RRP7A: variants seen among roughly 807,000 people sequenced by gnomAD.
The protein encoded by RRP7A is ribosomal RNA-processing protein 7 homolog A.
In RRP7A, 27 loss-of-function variants were observed where a neutral mutation model predicts 38.4. That is an observed-to-expected ratio of 0.70 (90% confidence interval 0.52 to 0.97). RRP7A has a LOEUF of 0.97. Among genes scored for constraint, RRP7A ranks in the 50% least tolerant of loss-of-function variants. The pLI is 0.00. For synonymous variants in RRP7A, 124 were observed against 150.3 expected, an observed-to-expected ratio of 0.83 and a Z score of 1.28; for missense variants, 327 against 375.4, an observed-to-expected ratio of 0.87 and a Z score of 1.07.
chr22:42,512,367 G>C lies in RRP7A; in HGVS notation c.*543C>G, dbSNP rs1437903091. ...CTAGTCTTGAGGCCCAGCCTAGGAT[G>C]GTAGTCAGGGGAAGGAGCGAGATTC... On this transcript the variant is annotated 3_prime_UTR_variant, in exon 7 of 7. Transcript: ENST00000323013. 2.6e-6 allele frequency: 2 copies of C among 756,264 alleles called. No homozygotes were observed. The highest frequency in any genetic ancestry group is 4.4e-6 in the Non-Finnish European group (2 of 451,264). The allele number at this position is 756,264 out of a possible 1,614,324, so 46.8% of individuals were successfully genotyped here. A position where few individuals can be genotyped will look rare whatever the true frequency, so the allele number is the denominator to read the frequency against.
chr22:42,519,370 G>A (rs1601809319), intron 1 of RRP7A, among the ~76,000 whole-genome samples: 2 of 152,118 alleles, frequency 1.3e-5, no homozygotes, highest in East Asian at 1.9e-4. Context: ...GCTGATGGGG[G>A]ATGGACTAGG....
chr22:42,512,975 T>C lies in RRP7A; in HGVS notation c.778A>G (p.Lys260Glu). The C allele has an allele frequency of 1.2e-6, 2 of 1,613,062 alleles. No individual in the cohort carries two copies. Among genetic ancestry groups the C allele is most frequent in the Non-Finnish European group, 1.7e-6 (2 of 1,179,568 alleles). Residue 260 changes from lysine to glutamate, a missense_variant, in exon 7 of 7, where the codon AAG (lysine) becomes GAG (glutamate). Coordinates refer to ENST00000323013, the MANE Select transcript of RRP7A (RefSeq NM_015703.5). Reference protein sequence around the residue: ...KMEHLAQLRKKFEEDKQRIEL... With the variant: ...KMEHLAQLRKEFEEDKQRIEL... ...ATCCTCTGCTTGTCCTCCTCGAACT[T>C]CTTGCGCAGCTGCGCTAGATCTGGG...
chr22:42,516,570 C>T (rs1920930363), intron 2 of RRP7A: 2 of 351,628 alleles, frequency 5.7e-6, no homozygotes, highest in South Asian at 2.1e-5. Context: ...GCCTCGGCCT[C>T]CCAAAATGCT....
rs1932430488 is a variant in RRP7A, at chr22:42,510,690, TCATGATAGA to T, written c.*2211_*2219del. On this transcript the variant is annotated 3_prime_UTR_variant, in exon 7 of 7. Transcript: ENST00000323013. ...TACTCTGACAAGGAGTCCCTGTCGT[TCATGATAGA>T]CACAATGAAATCCACCCTCAAAGAG... The T allele has an allele frequency of 6.7e-7, 1 of 1,481,512 alleles. No homozygotes were observed. The allele number at this position is 1,481,512 out of a possible 1,614,324, so 91.8% of individuals were successfully genotyped here.
chr22:42,512,594 C>T lies in RRP7A; in HGVS notation c.*316G>A, dbSNP rs1202025843. The stretch of plus-strand genomic sequence containing the variant: ...GAGGCTTTTTCGTTGCCAGCAAGGG[C>T]TTTTGCATTGAGGGAAAAGGAAGCA... On this transcript the variant is annotated 3_prime_UTR_variant, in exon 7 of 7. Transcript: ENST00000323013. 3 of 550,420 alleles carry T rather than the reference C, an allele frequency of 5.5e-6. No homozygotes were observed. The highest frequency in any genetic ancestry group is 3.2e-5 in the Admixed American group (1 of 31,058). 34.1% of individuals were successfully genotyped at this position (550,420 alleles called of 1,614,324 possible).
Position 42,512,118 on chromosome 22 carries a change from C to G in RRP7A, c.*792G>C. 6.6e-7 allele frequency: 1 copy of G among 1,516,870 alleles called. No homozygotes were observed. The highest frequency in any genetic ancestry group is 9.2e-7 in the Non-Finnish European group (1 of 1,090,530). 94.0% of individuals were successfully genotyped at this position (1,516,870 alleles called of 1,614,324 possible). A position where few individuals can be genotyped will look rare whatever the true frequency, so the allele number is the denominator to read the frequency against. On this transcript the variant is annotated 3_prime_UTR_variant, in exon 7 of 7. Transcript: ENST00000323013. The stretch of plus-strand genomic sequence containing the variant: ...ACTACCCACCCCCTCCCCTCTCCAG[C>G]GGTTCCAGTTTGTGGAAGTCCCAGG...
chr22:42,516,473 T>C, intron 2 of RRP7A: 1 of 383,390 alleles, frequency 2.6e-6, no homozygotes. Flanking sequence ...CCACCACACG[T>C]GGCTAATTTT....
Position 42,508,540 on chromosome 22 carries a change from G to T in RRP7A, c.*4370C>A, listed in dbSNP as rs1011264982. On this transcript the variant is annotated 3_prime_UTR_variant, in exon 7 of 7. Transcript: ENST00000323013. ...AGACAGGGCAGGCAGGGCCGCGGAGGAGGCTGGCTGGGGCCATCACGGAGT... is the reference window on the plus strand; with the variant it reads ...AGACAGGGCAGGCAGGGCCGCGGAGTAGGCTGGCTGGGGCCATCACGGAGT... Among the ~76,000 whole-genome samples the T allele has an allele frequency of 2.0e-5, 3 of 152,196 alleles. No individual in the cohort carries two copies. Among genetic ancestry groups the T allele is most frequent in the African/African-American group, 7.2e-5 (3 of 41,432 alleles).
intron 5 of RRP7A, 66 bp downstream of exon 5, chr22:42,514,616 T>A: frequency 7.2e-7 from 1 of 1,379,452 alleles, no homozygotes; most frequent in South Asian, 1.2e-5. Context: ...GCCCTCCCTC[T>A]GGGGCGCCAC....
chr22:42,509,764 G>A lies in RRP7A; in HGVS notation c.*3146C>T, dbSNP rs368661977. Among the ~76,000 whole-genome samples, 11,039 of 133,320 alleles carry A rather than the reference G, an allele frequency of 0.083. 640 individuals are homozygous for A. The highest frequency in any genetic ancestry group is 0.13 in the Admixed American group (1,558 of 11,748). The allele number at this position is 133,320 out of a possible 152,430, so 87.5% of individuals were successfully genotyped here. A position where few individuals can be genotyped will look rare whatever the true frequency, so the allele number is the denominator to read the frequency against. On this transcript the variant is annotated 3_prime_UTR_variant, in exon 7 of 7. Coordinates refer to ENST00000323013, the MANE Select transcript of RRP7A (RefSeq NM_015703.5). The stretch of plus-strand genomic sequence containing the variant: ...CTACGTGTTGTATGGCTGCATTCAC[G>A]TTCAAGTCCAAATAGGACACACGGC...
Position 42,516,293 on chromosome 22 carries a change from C to T in RRP7A, c.217-157G>A, listed in dbSNP as rs138280561. The T allele has an allele frequency of 3.6e-3, 3,355 of 938,774 alleles. 57 individuals are homozygous for T. In the African/African-American group the frequency reaches 0.047, roughly 13 times the overall value. The allele number at this position is 938,774 out of a possible 1,614,324, so 58.2% of individuals were successfully genotyped here. ...GGGAGACTGTGGGCACCATGGCCTC[C>T]GACCTGTTCCCCAGGGACAATATGG... On this transcript the variant is annotated intron_variant, in intron 2 of 6. Transcript: ENST00000323013.
At position 42,514,214 on chromosome 22, in the gene RRP7A, G is replaced by A. The variant is rs1312213244; in HGVS notation, c.649C>T (p.Arg217Trp). 18 of 1,610,234 alleles carry A rather than the reference G, an allele frequency of 1.1e-5. No individual in the cohort carries two copies. Among genetic ancestry groups the A allele is most frequent in the African/African-American group, 2.7e-5 (2 of 74,962 alleles). Residue 217 changes from arginine to tryptophan, a missense_variant, in exon 6 of 7, where the codon CGG becomes TGG. Arg to Trp is a moderately radical substitution (Grantham distance 101). This residue lies in a region of RRP7A where 46 missense variants were observed against 93.0 expected (regional missense o/e 0.49). Coordinates refer to ENST00000323013, the MANE Select transcript of RRP7A (RefSeq NM_015703.5). ...TRRGRRPVLP[R>W]TEAASLRVLE... Reference sequence around the variant, plus strand: ...ACCCGCAAGCTGGCTGCCTCAGTCCGGGGGAGCACAGGCCGCCGGCCCCGG... The same window carrying A: ...ACCCGCAAGCTGGCTGCCTCAGTCCAGGGGAGCACAGGCCGCCGGCCCCGG...
Position 42,512,078 on chromosome 22 carries a change from C to T in RRP7A, c.*832G>A, listed in dbSNP as rs1932482478. The T allele has an allele frequency of 6.6e-7, 1 of 1,507,540 alleles. No individual in the cohort carries two copies. The highest frequency in any genetic ancestry group is 1.7e-5 in the Admixed American group (1 of 58,702). 93.4% of individuals were successfully genotyped at this position (1,507,540 alleles called of 1,614,324 possible). On this transcript the variant is annotated 3_prime_UTR_variant, in exon 7 of 7. Coordinates refer to ENST00000323013, the MANE Select transcript of RRP7A (RefSeq NM_015703.5). The stretch of plus-strand genomic sequence containing the variant: ...GGGGCCCATGGAGCTCCCTAGGCTC[C>T]TCTGGCCACATCTCACTACCCACCC...
rs117692284 is a variant in RRP7A, at chr22:42,509,403, A to G, written c.*3507T>C. On this transcript the variant is annotated 3_prime_UTR_variant, in exon 7 of 7. Transcript: ENST00000323013. ...TCCATAACCAGTGAGCCCAGTCTCG[A>G]CTCACTGCAACCTCTGCCTCCTGGA... is the stretch of plus-strand genomic sequence containing the variant. 0.071 allele frequency among the ~76,000 whole-genome samples: 9,683 copies of G among 137,232 alleles called. 636 individuals are homozygous for G. The highest frequency in any genetic ancestry group is 0.12 in the Admixed American group (1,541 of 13,330). 90.0% of individuals were successfully genotyped at this position (137,232 alleles called of 152,430 possible). A position where few individuals can be genotyped will look rare whatever the true frequency, so the allele number is the denominator to read the frequency against.
Position 42,510,655 on chromosome 22 carries a change from AAG to A in RRP7A, c.*2253_*2254del. The A allele has an allele frequency of 7.3e-7, 1 of 1,377,656 alleles. No individual in the cohort carries two copies. The highest frequency in any genetic ancestry group is 1.0e-6 in the Non-Finnish European group (1 of 992,350). 85.3% of individuals were successfully genotyped at this position (1,377,656 alleles called of 1,614,324 possible). ...GAGCAGTCCACGGATATTTTGATCC[AAG>A]AGAGAATTACTCTGACAAGGAGTCC... On this transcript the variant is annotated 3_prime_UTR_variant, in exon 7 of 7. Coordinates refer to ENST00000323013, the MANE Select transcript of RRP7A (RefSeq NM_015703.5).
At chr22:42,516,456 CCCA>C (rs1360697750) in intron 2 of RRP7A, 22 of 405,844 alleles carry the variant, frequency 5.4e-5, no homozygotes, top group Non-Finnish European at 7.7e-5. Context: ...ATTACAAGCG[CCCA>C]CCACCACCAC....
At chr22:42,515,780 T>C (rs1462417281) in intron 3 of RRP7A, among the ~76,000 whole-genome samples, 2 of 152,294 alleles carry the variant, frequency 1.3e-5, no homozygotes, top group East Asian at 3.9e-4. Flanking sequence ...GCAGAGACGG[T>C]CCGTGAGCTT....
At chr22:42,517,149 G>A (rs1362744263) in intron 2 of RRP7A, among the ~76,000 whole-genome samples, 2 of 151,966 alleles carry the variant, frequency 1.3e-5, no homozygotes, top group Middle Eastern at 3.4e-3. Flanking sequence ...ATGGTGGTGG[G>A]CGCCTGTAAT....
intron 6 of RRP7A, among the ~76,000 whole-genome samples, chr22:42,513,196 G>A (rs1393752808): frequency 6.9e-6 from 1 of 144,450 alleles, no homozygotes; most frequent in Non-Finnish European, 1.5e-5. Flanking sequence ...CGAGTCCAAG[G>A]GCAAGGCCAA....
Sources: allele counts gnomAD v4.1 joint callset (sites outside exome capture counted in the v4.1 genomes callset), GRCh38; gene constraint gnomAD v4.1.1; regional missense constraint gnomAD v4.1.1; transcripts MANE v1.5; gene names NCBI Gene and HGNC (gene_info 2026-07-23, HGNC 2026-07-21).